Variants in NUDT6 observed in about 807,000 individuals in gnomAD.
NUDT6 encodes nudix hydrolase 6, also known as FAD diphosphatase NUDT6.
Under a neutral mutation model 36.8 loss-of-function variants are expected in NUDT6, and 24 were observed. The ratio of observed to expected loss-of-function variants is 0.65; its 90% CI spans 0.47 to 0.92. The LOEUF (loss-of-function observed/expected upper bound fraction) is 0.92, where lower values mean the gene tolerates loss of function less well. Ranked by LOEUF, NUDT6 falls within the 40% of genes least tolerant of loss-of-function variation. The pLI is 0.00. For missense variants in NUDT6, 388 were observed against 392.8 expected (o/e 0.99, Z 0.10); for synonymous variants, 163 against 157.0 (o/e 1.04, Z -0.29).
Position 122,922,530 on chromosome 4 carries a change from C to A in NUDT6, c.43G>T (p.Ala15Ser), listed in dbSNP as rs1224617497. ...LSWGRWRAML[A>S]RTYGPGPSAG... is the part of the protein sequence containing the mutation. Reference sequence around the variant, plus strand: ...GAAGGCCCGGGGCCGTAGGTTCGGGCAAGCATCGCGCGCCAGCGGCCCCAG... The same window carrying A: ...GAAGGCCCGGGGCCGTAGGTTCGGGAAAGCATCGCGCGCCAGCGGCCCCAG... The change falls in exon 1 of 5, where the codon GCC (alanine) becomes TCC (serine). Residue 15 changes from alanine (A) to serine (S), a missense_variant. Coordinates refer to ENST00000304430, the MANE Select transcript of NUDT6 (RefSeq NM_007083.5). 3 of 1,605,088 alleles carry A rather than the reference C, an allele frequency of 1.9e-6. No individual in the cohort carries two copies. The highest frequency in any genetic ancestry group is 1.1e-5 in the South Asian group (1 of 90,898).
At chr4:122,922,260 AG>A (rs1402845869) in intron 1 of NUDT6, 74 bp downstream of exon 1, 37 of 1,285,056 alleles carry the variant, frequency 2.9e-5, no homozygotes, top group Non-Finnish European at 3.7e-5. Context: ...CAGAGCGACT[AG>A]GGAGTGGGGG....
upstream of NUDT6, chr4:122,922,924 C>G: frequency 1.7e-6 from 1 of 604,216 alleles, no homozygotes; most frequent in Non-Finnish European, 2.9e-6. Flanking sequence ...TTCCTGGAAC[C>G]TATCTTCTTT....
chr4:122,912,498 T>G, intron 3 of NUDT6, 70 bp downstream of exon 3: 1 of 1,120,828 alleles, frequency 8.9e-7, no homozygotes, highest in South Asian at 1.3e-5. Context: ...TATTAAAATT[T>G]CTATATTTTA....
chr4:122,910,840 G>T (rs1464620653), intron 3 of NUDT6, among the ~76,000 whole-genome samples: 2 of 152,050 alleles, frequency 1.3e-5, no homozygotes, highest in Non-Finnish European at 2.9e-5. Context: ...TAGGGACCCG[G>T]GTCTGCTGAT....
In NUDT6 at chr4:122,892,694, G is replaced by A. The variant is rs1179985961; in HGVS notation, c.*134C>T. 3.6e-5 allele frequency: 49 copies of A among 1,357,850 alleles called. 1 individual carries two copies. Among genetic ancestry groups the A allele is most frequent in the Non-Finnish European group, 4.4e-5 (45 of 1,024,804 alleles). The allele number at this position is 1,357,850 out of a possible 1,614,324, so 84.1% of individuals were successfully genotyped here. ...GAAAAGAGGCTTTTAAAATGTGCAT[G>A]TTTAGAAACAAAATTTCTTCATGGA... On this transcript the variant is annotated 3_prime_UTR_variant, in exon 5 of 5. Transcript: ENST00000304430.
chr4:122,898,962 T>G (rs1727448368), intron 3 of NUDT6, among the ~76,000 whole-genome samples: 1 of 151,390 alleles, frequency 6.6e-6, no homozygotes, highest in Non-Finnish European at 1.5e-5. Flanking sequence ...CTCACTGCAG[T>G]CTTGACCTGC....
chr4:122,909,763 A>G (rs1031876798), intron 3 of NUDT6, among the ~76,000 whole-genome samples: 2 of 152,204 alleles, frequency 1.3e-5, no homozygotes, highest in Non-Finnish European at 1.5e-5. Flanking sequence ...TAAAGGTATG[A>G]CCTTCAAATG....
chr4:122,909,864 A>G (rs897023894), intron 3 of NUDT6, among the ~76,000 whole-genome samples: 1 of 152,242 alleles, frequency 6.6e-6, no homozygotes, highest in African/African-American at 2.4e-5. Context: ...GGATGAACTC[A>G]GTTATTCCAA....
chr4:122,914,729 C>A (rs1727796613), intron 2 of NUDT6, among the ~76,000 whole-genome samples: 1 of 152,072 alleles, frequency 6.6e-6, no homozygotes, highest in Non-Finnish European at 1.5e-5. Context: ...AAACTTCTCT[C>A]TCAGAAGACT....
chr4:122,911,799 A>T (rs954403768), intron 3 of NUDT6, among the ~76,000 whole-genome samples: 1 of 152,116 alleles, frequency 6.6e-6, no homozygotes, highest in Non-Finnish European at 1.5e-5. Flanking sequence ...TCTGATCCCT[A>T]ATCACGGTAC....
intron 3 of NUDT6, among the ~76,000 whole-genome samples, chr4:122,909,426 T>C (rs938826430): frequency 2.6e-5 from 4 of 152,238 alleles, no homozygotes; most frequent in African/African-American, 9.6e-5. Context: ...AAGTATTTTA[T>C]GTCATCACAA....
chr4:122,896,729 T>A (rs1330898618), intron 4 of NUDT6: 1 of 152,166 alleles, frequency 6.6e-6, no homozygotes, highest in Non-Finnish European at 1.5e-5. Context: ...GTATTTTGAT[T>A]TGTGTAAAAG....
At chr4:122,910,172 C>T (rs1727704681) in intron 3 of NUDT6, among the ~76,000 whole-genome samples, 2 of 152,156 alleles carry the variant, frequency 1.3e-5, no homozygotes, top group Non-Finnish European at 2.9e-5. Flanking sequence ...AAAAATATAG[C>T]CCAACTCAAT....
intron 2 of NUDT6, 37 bp downstream of exon 2, chr4:122,917,462 TAA>T: frequency 6.4e-7 from 1 of 1,568,842 alleles, no homozygotes; most frequent in East Asian, 2.2e-5. Flanking sequence ...GGTGAACGTC[TAA>T]AAAGTTAATT....
intron 3 of NUDT6, among the ~76,000 whole-genome samples, chr4:122,907,140 T>C (rs1451444700): frequency 2.0e-5 from 3 of 152,176 alleles, no homozygotes; most frequent in African/African-American, 7.2e-5. Context: ...TTCTTTTCTT[T>C]CTTTTTTTTG....
upstream of NUDT6, chr4:122,922,738 C>T (rs1273974606): frequency 3.2e-6 from 2 of 629,974 alleles, no homozygotes; most frequent in Non-Finnish European, 5.4e-6. Context: ...TCCACCAGCC[C>T]TTCTCAGCAA....
At chr4:122,918,416 A>G (rs958764107) in intron 1 of NUDT6, 1 of 152,198 alleles carries the variant, frequency 6.6e-6, no homozygotes, top group African/African-American at 2.4e-5. Context: ...CACTTTATAT[A>G]TATTATCTCA....
rs150467824 is a variant in NUDT6, at chr4:122,899,524, A to G, written c.499-1846T>C. 9.9e-4 allele frequency among the ~76,000 whole-genome samples: 151 copies of G among 152,310 alleles called. 5 individuals are homozygous for G. In the East Asian group the frequency reaches 0.025, roughly 26 times the overall value. On this transcript the variant is annotated intron_variant, in intron 3 of 4. Transcript: ENST00000304430. ...CTGAGTATAGTCTTAAGCAGTAGAC[A>G]GTCCTAAGCTATGTGGTTTGTGAAA...
At position 122,922,526 on chromosome 4, in the gene NUDT6, C is replaced by G; in HGVS notation, c.47G>C (p.Arg16Pro). ...CGCCGAAGGCCCGGGGCCGTAGGTT[C>G]GGGCAAGCATCGCGCGCCAGCGGCC... Reference protein sequence around the residue: ...SWGRWRAMLARTYGPGPSAGY... With the variant: ...SWGRWRAMLAPTYGPGPSAGY... The change falls in exon 1 of 5, where the codon CGA becomes CCA. Residue 16 changes from arginine (R) to proline (P), a missense_variant. Coordinates refer to ENST00000304430, the MANE Select transcript of NUDT6 (RefSeq NM_007083.5). 1.9e-6 allele frequency: 3 copies of G among 1,606,990 alleles called. No homozygotes were observed. The highest frequency in any genetic ancestry group is 1.7e-6 in the Non-Finnish European group (2 of 1,178,980).
Sources: allele counts gnomAD v4.1 joint callset (sites outside exome capture counted in the v4.1 genomes callset), GRCh38; gene constraint gnomAD v4.1.1; transcripts MANE v1.5; gene names NCBI Gene and HGNC (gene_info 2026-07-23, HGNC 2026-07-21).